The following CCDC148 variants were observed in gnomAD, a reference collection of about 807,000 sequenced individuals.
The protein encoded by CCDC148 is coiled-coil domain-containing protein 148.
In CCDC148, 89 loss-of-function variants were observed where a neutral mutation model predicts 85.7. That is an observed-to-expected ratio of 1.04 (90% CI 0.87 to 1.24). The LOEUF (loss-of-function observed/expected upper bound fraction) is 1.24. Among genes scored for constraint, CCDC148 ranks in the 50% most tolerant of loss-of-function variants. The pLI is 0.00. For missense variants in CCDC148, 692 were observed against 671.7 expected (o/e 1.03, Z -0.33); for synonymous variants, 230 against 213.9 (o/e 1.08, Z -0.66).
intron 1 of CCDC148, among the ~76,000 whole-genome samples, chr2:158,415,557 A>G (rs1359004603): frequency 3.3e-5 from 5 of 152,226 alleles, no homozygotes; most frequent in Non-Finnish European, 1.5e-5. Flanking sequence ...TCATTTCCGC[A>G]TTAACTCAAA....
rs568133178 is a variant in CCDC148, at chr2:158,402,820, T to G, written c.26-44250A>C. Among the ~76,000 whole-genome samples the G allele has an allele frequency of 4.6e-5, 7 of 152,202 alleles. No individual in the cohort carries two copies. The East Asian group carries it at 1.2e-3, about 25-fold the overall frequency. On this transcript the variant is annotated intron_variant, in intron 1 of 13. Coordinates refer to ENST00000283233, the MANE Select transcript of CCDC148 (RefSeq NM_138803.4). Reference sequence around the variant, plus strand: ...CCAGTTAATACTATGCTTTCAGGGCTGATTAGAAAGTAAAGTGTACTATTT... The same window carrying G: ...CCAGTTAATACTATGCTTTCAGGGCGGATTAGAAAGTAAAGTGTACTATTT...
At chr2:158,361,906 G>A (rs541443128) in intron 1 of CCDC148, among the ~76,000 whole-genome samples, 41 of 150,738 alleles carry the variant, frequency 2.7e-4, no homozygotes, top group Non-Finnish European at 5.2e-4. Context: ...CCATCAGTGC[G>A]CTGTATTCAG....
intron 10 of CCDC148, among the ~76,000 whole-genome samples, chr2:158,222,014 G>C (rs56102991): frequency 0.13 from 19,306 of 152,102 alleles, 1,529 homozygotes; most frequent in African/African-American, 0.23. Context: ...CAATGATTAT[G>C]TCATCTCCAT....
intron 9 of CCDC148, among the ~76,000 whole-genome samples, chr2:158,253,543 A>C (rs1414147543): frequency 6.6e-6 from 1 of 151,614 alleles, no homozygotes; most frequent in Non-Finnish European, 1.5e-5. Context: ...ATGTTGAATA[A>C]AATGTTGGTT....
At chr2:158,322,838 G>T (rs1692582217) in intron 7 of CCDC148, among the ~76,000 whole-genome samples, 1 of 151,902 alleles carries the variant, frequency 6.6e-6, no homozygotes, top group Admixed American at 6.6e-5. Context: ...AATAATAATA[G>T]AATATTAATT....
At chr2:158,277,655 G>A (rs1460362267) in intron 9 of CCDC148, among the ~76,000 whole-genome samples, 1 of 150,936 alleles carries the variant, frequency 6.6e-6, no homozygotes, top group Non-Finnish European at 1.5e-5. Context: ...GGAGTGCAGT[G>A]GCGTGATCTC....
intron 1 of CCDC148, among the ~76,000 whole-genome samples, chr2:158,432,332 G>A (rs1197001141): frequency 6.6e-6 from 1 of 151,766 alleles, no homozygotes; most frequent in Non-Finnish European, 1.5e-5. Context: ...GGCAGAGATT[G>A]TCAAACATGA....
At chr2:158,254,193 G>A (rs933833329) in intron 9 of CCDC148, among the ~76,000 whole-genome samples, 1 of 151,666 alleles carries the variant, frequency 6.6e-6, no homozygotes, top group Non-Finnish European at 1.5e-5. Flanking sequence ...GAAATTATGA[G>A]ATAATTAGAG....
At chr2:158,265,422 C>G (rs1050748066) in intron 9 of CCDC148, among the ~76,000 whole-genome samples, 1 of 151,990 alleles carries the variant, frequency 6.6e-6, no homozygotes, top group Non-Finnish European at 1.5e-5. Flanking sequence ...CGTGTGACTC[C>G]TCTGCATCAT....
At chr2:158,277,591 GTTTTTTTGTT>G (rs1412790893) in intron 9 of CCDC148, among the ~76,000 whole-genome samples, 3 of 151,864 alleles carry the variant, frequency 2.0e-5, no homozygotes, top group Admixed American at 6.6e-5. Flanking sequence ...AGTGAGTTAT[GTTTTTTTGTT>G]TTTTTTTGTT....
chr2:158,209,398 A>C (rs1349219876), intron 11 of CCDC148, among the ~76,000 whole-genome samples: 2 of 152,204 alleles, frequency 1.3e-5, no homozygotes, highest in Non-Finnish European at 2.9e-5. Flanking sequence ...AAAACTCCCT[A>C]AGAAGTTAGT....
intron 8 of CCDC148, among the ~76,000 whole-genome samples, chr2:158,313,510 C>A (rs962856143): frequency 6.6e-6 from 1 of 152,220 alleles, no homozygotes; most frequent in Non-Finnish European, 1.5e-5. Flanking sequence ...CAGTGAAGAT[C>A]TCCGCAGCAA....
chr2:158,225,336 A>ACTCC (rs996354070), intron 10 of CCDC148, among the ~76,000 whole-genome samples: 6 of 152,284 alleles, frequency 3.9e-5, no homozygotes, highest in African/African-American at 1.4e-4. Context: ...AGAGACTTAG[A>ACTCC]CTCCCACACA....
At chr2:158,285,056 G>C (rs1690550599) in intron 9 of CCDC148, among the ~76,000 whole-genome samples, 1 of 152,192 alleles carries the variant, frequency 6.6e-6, no homozygotes, top group Admixed American at 6.5e-5. Context: ...GGGAGGCCAA[G>C]GTGGGTGGAT....
intron 1 of CCDC148, among the ~76,000 whole-genome samples, chr2:158,397,769 A>G (rs756186409): frequency 6.6e-6 from 1 of 152,154 alleles, no homozygotes; most frequent in African/African-American, 2.4e-5. Context: ...GATCAAATTC[A>G]CACATAACAA....
chr2:158,242,650 T>A (rs568741443), intron 10 of CCDC148, among the ~76,000 whole-genome samples: 4 of 139,696 alleles, frequency 2.9e-5, no homozygotes, highest in Non-Finnish European at 6.4e-5. Flanking sequence ...TTTTTTTTTC[T>A]CCTTCCACCA....
intron 9 of CCDC148, among the ~76,000 whole-genome samples, chr2:158,289,101 T>C (rs1288535066): frequency 2.0e-5 from 3 of 152,218 alleles, no homozygotes; most frequent in Admixed American, 6.5e-5. Context: ...TTCTGAGAGA[T>C]ACAATTCAAC....
At chr2:158,319,018 G>A (rs1005673297) in intron 7 of CCDC148, among the ~76,000 whole-genome samples, 2 of 151,882 alleles carry the variant, frequency 1.3e-5, no homozygotes, top group African/African-American at 4.8e-5. Context: ...CTCCCACCTC[G>A]GCCTCCCAAA....
At chr2:158,206,273 A>G (rs1204926136) in intron 11 of CCDC148, among the ~76,000 whole-genome samples, 1 of 152,186 alleles carries the variant, frequency 6.6e-6, no homozygotes, top group Non-Finnish European at 1.5e-5. Context: ...AAGCAGTACC[A>G]ACTCATTAAA....
Sources: gnomAD v4.1 joint callset for allele counts (sites outside exome capture counted in the v4.1 genomes callset) on GRCh38, gnomAD v4.1.1 for gene constraint, MANE v1.5 for transcripts, NCBI Gene and HGNC (gene_info 2026-07-23, HGNC 2026-07-21) for gene names.